NFATC1: variants seen among roughly 807,000 people sequenced by gnomAD.
The protein encoded by NFATC1 is nuclear factor of activated T-cells, cytoplasmic 1.
A neutral mutation model predicts 76.0 loss-of-function variants in NFATC1; 22 were observed. That is an observed-to-expected ratio of 0.29 (90% CI 0.21 to 0.41). The LOEUF (loss-of-function observed/expected upper bound fraction) is 0.41, where lower values mean the gene tolerates loss of function less well. Among genes scored for constraint, NFATC1 ranks in the 10% least tolerant of loss-of-function variants. NFATC1 has a pLI of 1.00. For synonymous variants in NFATC1, 704 were observed against 613.1 expected, an observed-to-expected ratio of 1.15 and a Z score of -2.19; for missense variants, 1,357 against 1,337.7, an observed-to-expected ratio of 1.01 and a Z score of -0.23.
chr18:79,398,549 G>C (rs550838059), intron 1 of NFATC1, among the ~76,000 whole-genome samples: 1 of 152,154 alleles, frequency 6.6e-6, no homozygotes, highest in Non-Finnish European at 1.5e-5. Flanking sequence ...GGGAAGGGGG[G>C]GCTCCTAGGA....
At chr18:79,453,372 C>T (rs964532422) in intron 6 of NFATC1, among the ~76,000 whole-genome samples, 1 of 152,256 alleles carries the variant, frequency 6.6e-6, no homozygotes, top group Admixed American at 6.5e-5. Context: ...CTGCCCTAGC[C>T]AAGTTACTGT....
chr18:79,429,306 G>A (rs2086505533), intron 2 of NFATC1, among the ~76,000 whole-genome samples: 1 of 151,418 alleles, frequency 6.6e-6, no homozygotes, highest in Non-Finnish European at 1.5e-5. Flanking sequence ...CGTCCAGACC[G>A]GGTGGACGTT....
rs143214085 is a variant in NFATC1 at position 79,486,492 on chromosome 18, C to A, written c.2337C>A (p.Gly779=). The A allele has an allele frequency of 6.2e-7, 1 of 1,606,122 alleles. No individual in the cohort carries two copies. The change falls in exon 9 of 10, where the codon GGC becomes GGA. Residue 779 remains glycine (G), a synonymous_variant. Coordinates refer to ENST00000427363, the MANE Select transcript of NFATC1 (RefSeq NM_001278669.2). ...HDLSPAAYTK[G]VASPGHCHLG... is the part of the protein sequence containing the mutation. The stretch of plus-strand genomic sequence containing the variant: ...TTTCTCCCGCTGCCTACACCAAGGG[C>A]GTTGCCAGCCCGGGCCACTGTCACC...
chr18:79,499,412 G>A (rs2089967576), intron 9 of NFATC1, among the ~76,000 whole-genome samples: 1 of 152,190 alleles, frequency 6.6e-6, no homozygotes, highest in Admixed American at 6.5e-5. Context: ...AAATATGTGT[G>A]TAACACAAAA....
In NFATC1 at chr18:79,451,474, T is replaced by A. The variant is rs141583813; in HGVS notation, c.1763-202T>A. 1.1e-3 allele frequency among the ~76,000 whole-genome samples: 161 copies of A among 152,330 alleles called. 1 individual carries two copies. Among genetic ancestry groups the A allele is most frequent in the African/African-American group, 3.8e-3 (158 of 41,580 alleles). ...TTAGGAAGATATTTTGATGACTTCTTCAGAACGAGGTGGAGACCATCAGGA... is the reference window on the plus strand; with the variant it reads ...TTAGGAAGATATTTTGATGACTTCTACAGAACGAGGTGGAGACCATCAGGA... On this transcript the variant is annotated intron_variant, in intron 5 of 9. Transcript: ENST00000427363.
At chr18:79,456,385 C>A (rs1169755957) in intron 6 of NFATC1, among the ~76,000 whole-genome samples, 1 of 152,228 alleles carries the variant, frequency 6.6e-6, no homozygotes, top group African/African-American at 2.4e-5. Context: ...CCTGAAGCCA[C>A]TCCCTCCGGG....
intron 2 of NFATC1, among the ~76,000 whole-genome samples, chr18:79,424,805 G>A (rs1455382487): frequency 1.0e-5 from 1 of 98,044 alleles, no homozygotes; most frequent in Non-Finnish European, 2.1e-5. Flanking sequence ...CTCTGTGTCT[G>A]TCTGTCTCTG....
At chr18:79,473,087 C>G (rs2088852844) in intron 8 of NFATC1, among the ~76,000 whole-genome samples, 1 of 152,252 alleles carries the variant, frequency 6.6e-6, no homozygotes, top group African/African-American at 2.4e-5. Flanking sequence ...GCTTAGAAGT[C>G]CTACCTGATT....
rs1459946510 is a variant in NFATC1, at chr18:79,491,179, G to A, written c.2782+4242G>A. ...TTTTGTCTAATTTCACAACCCCTAAGAGAATCGGGCACCTCAGCAGCCACC... is the reference window on the plus strand; with the variant it reads ...TTTTGTCTAATTTCACAACCCCTAAAAGAATCGGGCACCTCAGCAGCCACC... On this transcript the variant is annotated intron_variant, in intron 9 of 9. Transcript: ENST00000427363. 2.6e-5 allele frequency among the ~76,000 whole-genome samples: 4 copies of A among 152,160 alleles called. No homozygotes were observed. The East Asian group carries it at 7.7e-4, about 29-fold the overall frequency.
At position 79,410,314 on chromosome 18, in the gene NFATC1, C is replaced by G; in HGVS notation, c.128-89C>G. 1 of 1,522,302 alleles carries G rather than the reference C, an allele frequency of 6.6e-7. No homozygotes were observed. The highest frequency in any genetic ancestry group is 2.0e-5 in the Admixed American group (1 of 49,990). 94.3% of individuals were successfully genotyped at this position (1,522,302 alleles called of 1,614,324 possible). A position where few individuals can be genotyped will look rare whatever the true frequency, so the allele number is the denominator to read the frequency against. On this transcript the variant is annotated intron_variant, in intron 1 of 9. Transcript: ENST00000427363. This position sits in a 1 kb window ranked among gnomAD's most constrained non-coding sequence, Gnocchi z 6.7. ...CTCCTTGGGGTCCGTTGGTCGAGGC[C>G]GGGGGTTGCTGGCCGGCCCTGAGTT... is the stretch of plus-strand genomic sequence containing the variant.
chr18:79,481,612 C>T (rs529361705), intron 8 of NFATC1, among the ~76,000 whole-genome samples: 3 of 152,238 alleles, frequency 2.0e-5, no homozygotes, highest in East Asian at 3.9e-4. Context: ...ACCGCCTCGG[C>T]GCTGCCAAGG....
In NFATC1 at chr18:79,448,837, C is replaced by T. The variant is rs146472413; in HGVS notation, c.1442C>T (p.Ala481Val). ...ATGCTGCAGCTTTTCATTGGGACGG[C>T]GGACGACCGCCTGCTGCGCCCGCAC... is the stretch of plus-strand genomic sequence containing the variant. ...PLMLQLFIGT[A>V]DDRLLRPHAF... The change falls in exon 4 of 10, where the codon GCG becomes GTG. Residue 481 changes from alanine to valine, a missense_variant. By Grantham distance (64) the Ala-to-Val change is moderately conservative. Transcript: ENST00000427363. 573 of 1,613,842 alleles carry T rather than the reference C, an allele frequency of 3.6e-4. No homozygotes were observed. Among genetic ancestry groups the T allele is most frequent in the Admixed American group, 1.4e-3 (85 of 60,028 alleles).
chr18:79,450,888 G>T, intron 4 of NFATC1, 66 bp from the exon 5 acceptor site: 1 of 1,553,604 alleles, frequency 6.4e-7, no homozygotes. Flanking sequence ...AGGGTCTGGG[G>T]GGCCAGGCCT....
intron 7 of NFATC1, among the ~76,000 whole-genome samples, chr18:79,466,173 C>T (rs1156663110): frequency 6.6e-6 from 1 of 152,206 alleles, no homozygotes; most frequent in Non-Finnish European, 1.5e-5. Context: ...GAGCCTGGAC[C>T]TCAAGTTGTC....
rs927375907 is a variant in NFATC1 at position 79,405,427 on chromosome 18, C to T, written c.128-4976C>T. On this transcript the variant is annotated intron_variant, in intron 1 of 9. Coordinates refer to ENST00000427363, the MANE Select transcript of NFATC1 (RefSeq NM_001278669.2). ...CGCCTCAGAATCGTCAAGAAAGTTA[C>T]TGGGAATATTTTCCCTTCATGTAAA... Among the ~76,000 whole-genome samples, 3 of 152,252 alleles carry T rather than the reference C, an allele frequency of 2.0e-5. No homozygotes were observed. The East Asian group carries it at 5.8e-4, about 29-fold the overall frequency.
At chr18:79,433,067 C>G (rs771432746) in intron 2 of NFATC1, among the ~76,000 whole-genome samples, 1 of 152,222 alleles carries the variant, frequency 6.6e-6, no homozygotes, top group Non-Finnish European at 1.5e-5. Flanking sequence ...GGCCCTCAGT[C>G]AGGGCCTTCT....
chr18:79,457,778 C>T (rs2087818060), intron 6 of NFATC1, among the ~76,000 whole-genome samples: 1 of 152,044 alleles, frequency 6.6e-6, no homozygotes, highest in Non-Finnish European at 1.5e-5. Flanking sequence ...CCTGGTCTGG[C>T]TGCTCCCTGC....
At chr18:79,515,801 C>T (rs1194043347) in intron 9 of NFATC1, 3 of 151,950 alleles carry the variant, frequency 2.0e-5, no homozygotes, top group African/African-American at 7.3e-5. Flanking sequence ...TTAAAAGGAG[C>T]TTTAACATTT....
intron 1 of NFATC1, among the ~76,000 whole-genome samples, chr18:79,399,850 G>C (rs1489280683): frequency 1.3e-5 from 2 of 152,198 alleles, no homozygotes; most frequent in Non-Finnish European, 2.9e-5. Flanking sequence ...GGGGTTCCTA[G>C]CGTTGGCGGC....
Sources: gnomAD v4.1 joint callset for allele counts (sites outside exome capture counted in the v4.1 genomes callset) on GRCh38, gnomAD v4.1.1 for gene constraint, Gnocchi (gnomAD v3.1) non-coding constraint, MANE v1.5 for transcripts, NCBI Gene and HGNC (gene_info 2026-07-23, HGNC 2026-07-21) for gene names.